The following PTK2 variants were observed in gnomAD, a reference collection of about 807,000 sequenced individuals.
PTK2 encodes protein tyrosine kinase 2.
In PTK2, 45 loss-of-function variants were observed where a neutral mutation model predicts 150.1. That is an observed-to-expected ratio of 0.30 (90% CI 0.24 to 0.38). The LOEUF is 0.38. Among genes scored for constraint, PTK2 ranks in the 10% least tolerant of loss-of-function variants. The pLI is 1.00. For synonymous variants in PTK2, 432 were observed against 449.2 expected (o/e 0.96, Z 0.48); for missense variants, 919 against 1,307.3 (o/e 0.70, Z 4.58).
At chr8:140,662,659 C>T (rs775746412) in intron 31 of PTK2, 6 of 548,760 alleles carry the variant, frequency 1.1e-5, no homozygotes, top group Non-Finnish European at 1.7e-5. Flanking sequence ...AAGGAATCAC[C>T]AACAGGAGTT....
chr8:140,847,996 C>T (rs549466787), intron 5 of PTK2, among the ~76,000 whole-genome samples: 1 of 152,184 alleles, frequency 6.6e-6, no homozygotes, highest in Admixed American at 6.5e-5. Context: ...GCTTGGTAAA[C>T]CCAAGCCACG....
chr8:140,693,564 T>TTAAAAAAAAAA lies in PTK2; in HGVS notation c.2500-6871_2500-6870insTTTTTTTTTTA, dbSNP rs1181421194. 2.3e-4 allele frequency among the ~76,000 whole-genome samples: 17 copies of TTAAAAAAAAAA among 72,458 alleles called. 7 individuals carry two copies. The highest frequency in any genetic ancestry group is 1.0e-3 in the African/African-American group (17 of 16,654). 47.5% of individuals were successfully genotyped at this position (72,458 alleles called of 152,430 possible). On this transcript the variant is annotated intron_variant, in intron 26 of 31. Coordinates refer to ENST00000522684, the Ensembl canonical transcript of PTK2. Reference sequence around the variant, plus strand: ...CCACAGAGTGAGACTTTGTCTCAATTAAAAAAAAAAAAAAAAAAAAAAAAA... The same window carrying TTAAAAAAAAAA: ...CCACAGAGTGAGACTTTGTCTCAATTTAAAAAAAAAAAAAAAAAAAAAAAAAAAAAAAAAAA...
chr8:140,890,353 CTT>C (rs2100153812), intron 3 of PTK2, 188 bp downstream of exon 3: 1 of 466,652 alleles, frequency 2.1e-6, no homozygotes, highest in Non-Finnish European at 3.7e-6. Flanking sequence ...TTCTAAGAAA[CTT>C]TACAACAATT....
At chr8:140,759,530 T>TAAAAAAAAA (rs761643170) in intron 16 of PTK2, among the ~76,000 whole-genome samples, 3 of 58,070 alleles carry the variant, frequency 5.2e-5, no homozygotes, top group Admixed American at 2.6e-4. Context: ...GACCCTGTCC[T>TAAAAAAAAA]AAAAAAAAAA....
At chr8:140,982,249 CTGGATCATTAAGATACACAT>C (rs2100191703) in intron 1 of PTK2, among the ~76,000 whole-genome samples, 1 of 152,206 alleles carries the variant, frequency 6.6e-6, no homozygotes, top group Non-Finnish European at 1.5e-5. Flanking sequence ...GCTTAGCTCA[CTGGATCATTAAGATACACAT>C]TGGATCATTA....
chr8:140,880,406 G>A (rs936605956), intron 3 of PTK2, among the ~76,000 whole-genome samples: 1 of 152,190 alleles, frequency 6.6e-6, no homozygotes, highest in African/African-American at 2.4e-5. Context: ...ACCTAGGTAT[G>A]AGGGCCATGA....
chr8:140,732,543 C>T (rs367799386), intron 22 of PTK2: 4 of 528,080 alleles, frequency 7.6e-6, no homozygotes, highest in Non-Finnish European at 1.6e-5. Flanking sequence ...AGGCTACTGG[C>T]CTGGAGGTTT....
At chr8:140,782,254 T>TTGG (rs567880304) in intron 14 of PTK2, among the ~76,000 whole-genome samples, 18 of 138,128 alleles carry the variant, frequency 1.3e-4, no homozygotes, top group African/African-American at 4.2e-4. Context: ...TTTTTTTTTT[T>TTGG]GGGGGGGGGG....
At chr8:140,735,195 G>A (rs760501239) in intron 22 of PTK2, 56 bp downstream of exon 25, 80 of 1,507,516 alleles carry the variant, frequency 5.3e-5, no homozygotes, top group South Asian at 1.3e-4. Flanking sequence ...ACTGCAAGGA[G>A]GAGAAGCAGC....
intron 1 of PTK2, among the ~76,000 whole-genome samples, chr8:140,966,739 C>A (rs1451846115): frequency 2.8e-4 from 43 of 152,186 alleles, no homozygotes; most frequent in Non-Finnish European, 6.3e-4. Flanking sequence ...ATTCTCAACT[C>A]TGAAGATATT....
At chr8:140,676,022 G>A (rs1337001760) in intron 27 of PTK2, among the ~76,000 whole-genome samples, 2 of 152,136 alleles carry the variant, frequency 1.3e-5, no homozygotes. Context: ...GTCCATCAAT[G>A]AATGTCTGGA....
chr8:140,874,741 C>T (rs1391204436), intron 4 of PTK2, among the ~76,000 whole-genome samples: 1 of 152,140 alleles, frequency 6.6e-6, no homozygotes, highest in East Asian at 1.9e-4. Context: ...GTCTGACACA[C>T]AGTAAACAAC....
chr8:140,821,987 T>C (rs1324236209), intron 8 of PTK2: 2 of 152,184 alleles, frequency 1.3e-5, no homozygotes, highest in African/African-American at 4.8e-5. Context: ...ATTCTCTGCT[T>C]ATGATCACCT....
Position 140,994,109 on chromosome 8 carries a change from G to A in PTK2, c.-122+7016C>T, listed in dbSNP as rs749580461. Among the ~76,000 whole-genome samples, 9 of 152,244 alleles carry A rather than the reference G, an allele frequency of 5.9e-5. No homozygotes were observed. In the South Asian group the frequency reaches 1.7e-3, roughly 28 times the overall value. On this transcript the variant is annotated intron_variant, in intron 1 of 31. Transcript: ENST00000522684. ...AAGAAAATGTATATCAGTAAGATTC[G>A]GGTAGGATTTCAATTAAATAAAATT...
At chr8:140,773,889 G>A (rs1303725542) in intron 14 of PTK2, among the ~76,000 whole-genome samples, 1 of 152,136 alleles carries the variant, frequency 6.6e-6, no homozygotes, top group Non-Finnish European at 1.5e-5. Flanking sequence ...CTCCGGGCCC[G>A]GGTGCAGGAT....
At position 140,714,139 on chromosome 8, in the gene PTK2, C is replaced by T. The variant is rs892235573; in HGVS notation, c.2142+3459G>A. On this transcript the variant is annotated intron_variant, in intron 23 of 31. Coordinates refer to ENST00000522684, the Ensembl canonical transcript of PTK2. ...CTGGGCTCAAGTGATCCCCCTACCT[C>T]AGTCTCCCAAAGCACCGCAATTATA... Among the ~76,000 whole-genome samples, 6 of 152,340 alleles carry T rather than the reference C, an allele frequency of 3.9e-5. No individual in the cohort carries two copies. The South Asian group carries it at 8.3e-4, about 21-fold the overall frequency.
intron 3 of PTK2, among the ~76,000 whole-genome samples, chr8:140,883,915 C>G (rs1349000088): frequency 3.3e-5 from 5 of 152,068 alleles, no homozygotes; most frequent in Non-Finnish European, 7.4e-5. Flanking sequence ...AAGACGTCAG[C>G]AGGGATGTGC....
rs761667610 is a variant in PTK2 at position 140,706,108 on chromosome 8, G to A, written c.2229+11C>T. 1 of 1,582,816 alleles carries A rather than the reference G, an allele frequency of 6.3e-7. No homozygotes were observed. The highest frequency in any genetic ancestry group is 2.2e-5 in the East Asian group (1 of 44,686). ...AAATAACACAGTTTATATCTGTAAT[G>A]ACTGGCATACCTGGTAATGATTGGT... On this transcript the variant is annotated intron_variant, in intron 24 of 31. Coordinates refer to ENST00000522684, the Ensembl canonical transcript of PTK2.
chr8:140,930,777 A>G (rs181223604), intron 1 of PTK2, among the ~76,000 whole-genome samples: 9 of 152,312 alleles, frequency 5.9e-5, no homozygotes, highest in Non-Finnish European at 1.0e-4. Context: ...ATTAATTGGA[A>G]AAAAAGAAAA....
Sources: gnomAD v4.1 joint callset for allele counts (sites outside exome capture counted in the v4.1 genomes callset) on GRCh38, gnomAD v4.1.1 for gene constraint, MANE v1.5 for transcripts, NCBI Gene and HGNC (gene_info 2026-07-23, HGNC 2026-07-21) for gene names.